DENND1B: variants seen among roughly 807,000 people sequenced by gnomAD.
The protein encoded by DENND1B is DENN domain-containing protein 1B.
Under a neutral mutation model 90.1 loss-of-function variants are expected in DENND1B, and 59 were observed. The ratio of observed to expected loss-of-function variants is 0.65; its 90% CI spans 0.53 to 0.81. DENND1B has a LOEUF of 0.81. Ranked by LOEUF, DENND1B falls within the 40% of genes least tolerant of loss-of-function variation. The pLI is 0.00. For synonymous variants in DENND1B, 337 were observed against 324.6 expected (o/e 1.04, Z -0.41); for missense variants, 862 against 912.6 (o/e 0.94, Z 0.71).
chr1:197,623,596 G>A (rs1331153678), intron 10 of DENND1B, among the ~76,000 whole-genome samples: 2 of 151,362 alleles, frequency 1.3e-5, no homozygotes, highest in Non-Finnish European at 3.0e-5. Context: ...TTATTTCTTA[G>A]AATACTTTTA....
intron 13 of DENND1B, among the ~76,000 whole-genome samples, chr1:197,600,745 G>T (rs1237631213): frequency 6.6e-6 from 1 of 151,608 alleles, no homozygotes; most frequent in Non-Finnish European, 1.5e-5. Context: ...ATATATGAGA[G>T]ATATGAAATA....
At chr1:197,558,222 T>A (rs1214497077) in intron 15 of DENND1B, among the ~76,000 whole-genome samples, 2 of 151,658 alleles carry the variant, frequency 1.3e-5, no homozygotes, top group Admixed American at 1.3e-4. Flanking sequence ...AAAATCTAGA[T>A]CTAAACATGT....
At chr1:197,602,967 C>T (rs1297712238) in intron 13 of DENND1B, among the ~76,000 whole-genome samples, 1 of 151,256 alleles carries the variant, frequency 6.6e-6, no homozygotes, top group Non-Finnish European at 1.5e-5. Flanking sequence ...CTGAAAGCTT[C>T]ACCATAATAT....
At chr1:197,570,631 T>G (rs1673068833) in intron 15 of DENND1B, among the ~76,000 whole-genome samples, 1 of 152,178 alleles carries the variant, frequency 6.6e-6, no homozygotes, top group Non-Finnish European at 1.5e-5. Flanking sequence ...TTTATACACT[T>G]TAGTGAATGT....
intron 3 of DENND1B, among the ~76,000 whole-genome samples, chr1:197,696,324 A>G (rs138226902): frequency 6.2e-4 from 94 of 151,752 alleles, no homozygotes; most frequent in African/African-American, 2.2e-3. Context: ...TAATTAATGG[A>G]ATTTTTATTA....
At chr1:197,561,040 T>G (rs1299873470) in intron 15 of DENND1B, among the ~76,000 whole-genome samples, 1 of 151,950 alleles carries the variant, frequency 6.6e-6, no homozygotes, top group East Asian at 1.9e-4. Flanking sequence ...CTAACAATTT[T>G]TCCTTCTCTC....
intron 6 of DENND1B, among the ~76,000 whole-genome samples, chr1:197,653,903 AT>A (rs1367511829): frequency 1.3e-5 from 2 of 152,180 alleles, no homozygotes; most frequent in Non-Finnish European, 2.9e-5. Context: ...ATCACGAATA[AT>A]TTAACCAGAA....
At chr1:197,566,257 T>G (rs945177284) in intron 15 of DENND1B, among the ~76,000 whole-genome samples, 1 of 152,172 alleles carries the variant, frequency 6.6e-6, no homozygotes, top group Non-Finnish European at 1.5e-5. Flanking sequence ...TGAGCAATTT[T>G]TCATGTGTTT....
chr1:197,735,627 G>A, intron 2 of DENND1B: 2 of 1,614,150 alleles, frequency 1.2e-6, no homozygotes, highest in Non-Finnish European at 1.7e-6. Flanking sequence ...CTCCCGTGGA[G>A]CTGCCGCCAT....
At chr1:197,766,532 A>G (rs1208986204) in intron 2 of DENND1B, among the ~76,000 whole-genome samples, 1 of 152,210 alleles carries the variant, frequency 6.6e-6, no homozygotes, top group African/African-American at 2.4e-5. Flanking sequence ...AAATTCACAA[A>G]CATATATAGC....
rs138568686 is a variant in DENND1B, at chr1:197,738,423, AT to A, written c.83-23350del. On this transcript the variant is annotated intron_variant, in intron 2 of 22. Transcript: ENST00000620048. ...TGGGTTTTCAGTAGTTGCATCCACA[AT>A]TGGTGAATGTGACCTCAGGCCAGAG... Among the ~76,000 whole-genome samples the A allele has an allele frequency of 2.0e-5, 3 of 152,316 alleles. No homozygotes were observed. The East Asian group carries it at 5.8e-4, about 29-fold the overall frequency.
At chr1:197,598,241 A>T (rs990387730) in intron 13 of DENND1B, among the ~76,000 whole-genome samples, 2 of 151,814 alleles carry the variant, frequency 1.3e-5, no homozygotes, top group Non-Finnish European at 2.9e-5. Flanking sequence ...AGTGGGCTTC[A>T]ATTGTCAGTA....
At chr1:197,718,856 T>C (rs1014911061) in intron 2 of DENND1B, among the ~76,000 whole-genome samples, 2 of 152,082 alleles carry the variant, frequency 1.3e-5, no homozygotes, top group Non-Finnish European at 2.9e-5. Context: ...AGGGAGACAA[T>C]GTCTAGAGAT....
At chr1:197,672,539 T>C (rs1655617693) in intron 4 of DENND1B, among the ~76,000 whole-genome samples, 1 of 152,054 alleles carries the variant, frequency 6.6e-6, no homozygotes, top group African/African-American at 2.4e-5. Flanking sequence ...CTTTTCTTAA[T>C]TATTCTAAAA....
chr1:197,645,827 T>C (rs1225234900), intron 8 of DENND1B, 84 bp from the exon 9 acceptor site: 15 of 919,006 alleles, frequency 1.6e-5, no homozygotes, highest in Non-Finnish European at 2.2e-5. Flanking sequence ...GAAAAAAATA[T>C]ATTGAGTAAA....
At chr1:197,584,609 T>C (rs896992721) in intron 14 of DENND1B, among the ~76,000 whole-genome samples, 1 of 152,160 alleles carries the variant, frequency 6.6e-6, no homozygotes, top group Non-Finnish European at 1.5e-5. Context: ...TACCATCAGC[T>C]ACCAGCCAAT....
rs188803297 is a variant in DENND1B at position 197,604,220 on chromosome 1, C to T, written c.921+2853G>A. Among the ~76,000 whole-genome samples, 39 of 150,738 alleles carry T rather than the reference C, an allele frequency of 2.6e-4. No homozygotes were observed. In the South Asian group the frequency reaches 2.9e-3, roughly 11 times the overall value. ...TTTTTTTTCTTTTAATGATCCAAAT[C>T]TATAGTGAAATGATGAAATCAAAAA... On this transcript the variant is annotated intron_variant, in intron 13 of 22. Transcript: ENST00000620048.
Position 197,647,128 on chromosome 1 carries a change from A to G in DENND1B, c.448-14T>C. 7.0e-7 allele frequency: 1 copy of G among 1,424,304 alleles called. No homozygotes were observed. The highest frequency in any genetic ancestry group is 1.6e-5 in the South Asian group (1 of 61,926). The allele number at this position is 1,424,304 out of a possible 1,614,324, so 88.2% of individuals were successfully genotyped here. On this transcript the variant is annotated splice_polypyrimidine_tract_variant and intron_variant, in intron 7 of 22. Transcript: ENST00000620048. ...TATCTCTTGGTTCTTATAATACATGAGAGAAAAAAATGAATATTTTACTTT... is the reference window on the plus strand; with the variant it reads ...TATCTCTTGGTTCTTATAATACATGGGAGAAAAAAATGAATATTTTACTTT...
At chr1:197,638,520 T>C (rs920082338) in intron 10 of DENND1B, among the ~76,000 whole-genome samples, 1 of 152,088 alleles carries the variant, frequency 6.6e-6, no homozygotes, top group East Asian at 1.9e-4. Flanking sequence ...GCTGAATAGT[T>C]AGAGAAAGTC....
Sources: allele counts gnomAD v4.1 joint callset (sites outside exome capture counted in the v4.1 genomes callset), GRCh38; gene constraint gnomAD v4.1.1; transcripts MANE v1.5; gene names NCBI Gene and HGNC (gene_info 2026-07-23, HGNC 2026-07-21).